Variants in ASF1A observed in about 807,000 individuals in gnomAD.
The protein encoded by ASF1A is histone chaperone ASF1A.
ASF1A carries 5 observed loss-of-function variants against 22.0 expected under a neutral mutation model. The ratio of observed to expected loss-of-function variants is 0.23; its 90% CI spans 0.12 to 0.48. ASF1A has a LOEUF of 0.48. Among genes scored for constraint, ASF1A ranks in the 20% least tolerant of loss-of-function variants. The probability of loss-of-function intolerance (pLI) is 0.99; values close to 1 mark genes in which losing one functional copy is unlikely to be tolerated. For synonymous variants in ASF1A, 97 were observed against 86.7 expected (o/e 1.12, Z -0.66); for missense variants, 137 against 240.6 (o/e 0.57, Z 2.85).
Position 118,900,859 on chromosome 6 carries a change from G to A in ASF1A, c.203G>A (p.Gly68Glu). The A allele has an allele frequency of 6.2e-7, 1 of 1,612,888 alleles. No homozygotes were observed. Among genetic ancestry groups the A allele is most frequent in the Non-Finnish European group, 8.5e-7 (1 of 1,178,914 alleles). ...DSVLVGPVPA[G>E]RHMFVFQADA... ...GTTTTAGTGGGTCCTGTTCCCGCAG[G>A]AAGGCATATGTTTGTATTTCAGGTA... Residue 68 changes from glycine (G) to glutamate (E), a missense_variant, in exon 2 of 4, where the codon GGA (glycine) becomes GAA (glutamate). By Grantham distance (98) the Gly-to-Glu change is moderately conservative (BLOSUM62 -2). Coordinates refer to ENST00000229595, the MANE Select transcript of ASF1A (RefSeq NM_014034.3).
rs983539751 is a variant in ASF1A, at chr6:118,907,994, T to A, written c.*380T>A. On this transcript the variant is annotated 3_prime_UTR_variant, in exon 4 of 4. Transcript: ENST00000229595. Reference sequence around the variant, plus strand: ...TTTACTGGCCTTTGAAAGAACAAAGTTTACTTCAACTAAAATGTTTCTTCC... The same window carrying A: ...TTTACTGGCCTTTGAAAGAACAAAGATTACTTCAACTAAAATGTTTCTTCC... 1 of 158,498 alleles carries A rather than the reference T, an allele frequency of 6.3e-6. No homozygotes were observed. The highest frequency in any genetic ancestry group is 2.4e-5 in the African/African-American group (1 of 41,548). 9.8% of individuals were successfully genotyped at this position (158,498 alleles called of 1,614,324 possible).
At chr6:118,903,991 AC>A (rs141732360) in intron 2 of ASF1A, among the ~76,000 whole-genome samples, 2,125 of 152,350 alleles carry the variant, frequency 0.014, 42 homozygotes, top group African/African-American at 0.049. Flanking sequence ...CTGGAGACAA[AC>A]TGAGAAGGGC....
At chr6:118,901,572 C>T (rs1779799788) in intron 2 of ASF1A, among the ~76,000 whole-genome samples, 1 of 151,778 alleles carries the variant, frequency 6.6e-6, no homozygotes, top group African/African-American at 2.4e-5. Flanking sequence ...GGATCTATAC[C>T]AAGGCTTCAG....
At chr6:118,896,841 T>C (rs1378381789) in intron 1 of ASF1A, among the ~76,000 whole-genome samples, 2 of 152,150 alleles carry the variant, frequency 1.3e-5, no homozygotes, top group Non-Finnish European at 2.9e-5. Context: ...ATAGAATTTT[T>C]TTTTTTTTAA....
At chr6:118,898,118 G>T (rs576545313) in intron 1 of ASF1A, among the ~76,000 whole-genome samples, 1 of 152,222 alleles carries the variant, frequency 6.6e-6, no homozygotes, top group Admixed American at 6.5e-5. Flanking sequence ...GCATAGCTTG[G>T]ATTCTGATTC....
Position 118,900,933 on chromosome 6 carries a change from ATATTATC to A in ASF1A, c.225+61_225+67del, listed in dbSNP as rs1779760730. 3 of 1,231,940 alleles carry A rather than the reference ATATTATC, an allele frequency of 2.4e-6. No homozygotes were observed. The African/African-American group carries it at 4.5e-5, about 18-fold the overall frequency. 76.3% of individuals were successfully genotyped at this position (1,231,940 alleles called of 1,614,324 possible). Reference sequence around the variant, plus strand: ...TGCCAAATATGTTTCGAAGTAGACTATATTATCTATTATCTTATAACCCTTATCCCTT... The same window carrying A: ...TGCCAAATATGTTTCGAAGTAGACTATATTATCTTATAACCCTTATCCCTT... On this transcript the variant is annotated intron_variant, in intron 2 of 3. Transcript: ENST00000229595.
chr6:118,902,607 T>C (rs974845578), intron 2 of ASF1A, among the ~76,000 whole-genome samples: 1 of 151,940 alleles, frequency 6.6e-6, no homozygotes, highest in Non-Finnish European at 1.5e-5. Flanking sequence ...TGAAAATCTT[T>C]TGTGTTTGTT....
chr6:118,906,069 T>C (rs1205647404), intron 3 of ASF1A, among the ~76,000 whole-genome samples: 1 of 152,080 alleles, frequency 6.6e-6, no homozygotes, highest in East Asian at 1.9e-4. Flanking sequence ...TTTAGAAAAA[T>C]GAAAGTACCT....
chr6:118,903,378 C>T (rs1779937480), intron 2 of ASF1A, among the ~76,000 whole-genome samples: 1 of 152,046 alleles, frequency 6.6e-6, no homozygotes, highest in African/African-American at 2.4e-5. Flanking sequence ...ATCATAAACC[C>T]CTTCAGGGCA....
chr6:118,900,946 T>C (rs1272933871), intron 2 of ASF1A, 65 bp downstream of exon 2: 1 of 1,128,898 alleles, frequency 8.9e-7, no homozygotes, highest in Non-Finnish European at 1.4e-6. Flanking sequence ...TTATCTATTA[T>C]CTTATAACCC....
In ASF1A at chr6:118,908,896, G is replaced by A. The variant is rs1780347615; in HGVS notation, c.*1282G>A. ...TTTAAAGCTTTTATGTTGAGGAAAGGAAAAGGGCATTTGTCTAAACATGGA... is the reference window on the plus strand; with the variant it reads ...TTTAAAGCTTTTATGTTGAGGAAAGAAAAAGGGCATTTGTCTAAACATGGA... On this transcript the variant is annotated 3_prime_UTR_variant, in exon 4 of 4. Coordinates refer to ENST00000229595, the MANE Select transcript of ASF1A (RefSeq NM_014034.3). 6.6e-6 allele frequency: 1 copy of A among 152,502 alleles called. No individual in the cohort carries two copies. Among genetic ancestry groups the A allele is most frequent in the South Asian group, 2.1e-4 (1 of 4,824 alleles). The allele number at this position is 152,502 out of a possible 1,614,324, so 9.4% of individuals were successfully genotyped here.
chr6:118,894,934 G>A (rs1317557285), intron 1 of ASF1A, among the ~76,000 whole-genome samples: 1 of 152,288 alleles, frequency 6.6e-6, no homozygotes, highest in Middle Eastern at 3.4e-3. Flanking sequence ...GGTCGCGCCG[G>A]CGAGTTCGGA....
chr6:118,896,966 T>G (rs934743157), intron 1 of ASF1A, among the ~76,000 whole-genome samples: 1 of 152,042 alleles, frequency 6.6e-6, no homozygotes, highest in African/African-American at 2.4e-5. Flanking sequence ...GCCTCCTGAA[T>G]AGCTGGGACC....
rs1350589083 is a variant in ASF1A, at chr6:118,900,988, T to C, written c.225+107T>C. 8.0e-6 allele frequency: 6 copies of C among 746,678 alleles called. No individual in the cohort carries two copies. In the East Asian group the frequency reaches 1.5e-4, roughly 19 times the overall value. The allele number at this position is 746,678 out of a possible 1,614,324, so 46.3% of individuals were successfully genotyped here. A position where few individuals can be genotyped will look rare whatever the true frequency, so the allele number is the denominator to read the frequency against. Reference sequence around the variant, plus strand: ...CTTTCCTTTTGGGTTAAAGAACTGCTTCTGCTGCATTCACTTTAAATCTGT... The same window carrying C: ...CTTTCCTTTTGGGTTAAAGAACTGCCTCTGCTGCATTCACTTTAAATCTGT... On this transcript the variant is annotated intron_variant, in intron 2 of 3. Coordinates refer to ENST00000229595, the MANE Select transcript of ASF1A (RefSeq NM_014034.3).
intron 2 of ASF1A, among the ~76,000 whole-genome samples, chr6:118,902,472 T>A (rs1779866574): frequency 6.6e-6 from 1 of 152,062 alleles, no homozygotes; most frequent in South Asian, 2.1e-4. Flanking sequence ...AACCCATACT[T>A]TACTGATAAT....
intron 2 of ASF1A, among the ~76,000 whole-genome samples, chr6:118,905,388 G>T (rs926115891): frequency 1.7e-4 from 26 of 152,148 alleles, no homozygotes; most frequent in African/African-American, 3.4e-4. Context: ...CCACCATGCA[G>T]TGTAGCCAGA....
In ASF1A at chr6:118,907,832, C is replaced by A; in HGVS notation, c.*218C>A. 1 of 477,052 alleles carries A rather than the reference C, an allele frequency of 2.1e-6. No individual in the cohort carries two copies. Among genetic ancestry groups the A allele is most frequent in the Non-Finnish European group, 3.7e-6 (1 of 267,554 alleles). 29.6% of individuals were successfully genotyped at this position (477,052 alleles called of 1,614,324 possible). A position where few individuals can be genotyped will look rare whatever the true frequency, so the allele number is the denominator to read the frequency against. ...TCTCTAATGTGTTATTTTATTTGTT[C>A]TGAAACTAATCTGATTAAAGCATAT... On this transcript the variant is annotated 3_prime_UTR_variant, in exon 4 of 4. Coordinates refer to ENST00000229595, the MANE Select transcript of ASF1A (RefSeq NM_014034.3).
chr6:118,894,880 C>T (rs759011481), intron 1 of ASF1A, among the ~76,000 whole-genome samples: 1 of 152,184 alleles, frequency 6.6e-6, no homozygotes, highest in African/African-American at 2.4e-5. Context: ...CCGCGACCCT[C>T]CGGGCCCGAG....
At chr6:118,896,045 T>C (rs59774297) in intron 1 of ASF1A, among the ~76,000 whole-genome samples, 4 of 148,324 alleles carry the variant, frequency 2.7e-5, no homozygotes, top group African/African-American at 7.9e-5. Context: ...GCCCCCGTTT[T>C]TTTTTTTTTT....
Sources: allele counts gnomAD v4.1 joint callset (sites outside exome capture counted in the v4.1 genomes callset), GRCh38; gene constraint gnomAD v4.1.1; transcripts MANE v1.5; gene names NCBI Gene and HGNC (gene_info 2026-07-23, HGNC 2026-07-21).